Variants in PDE11A observed in about 807,000 individuals in gnomAD.
PDE11A encodes the protein dual 3',5'-cyclic-AMP and -GMP phosphodiesterase 11A.
In PDE11A, 100 loss-of-function variants were observed where a neutral mutation model predicts 100.5. The observed-to-expected ratio is 1.00, with a 90% confidence interval of 0.85 to 1.18. The LOEUF (loss-of-function observed/expected upper bound fraction) is 1.18, where lower values mean the gene tolerates loss of function less well. PDE11A is among the 50% of genes most tolerant of loss of function. The pLI, the probability that PDE11A is intolerant of heterozygous loss-of-function variation, is 0.00. For synonymous variants in PDE11A, 381 were observed against 420.8 expected (o/e 0.91, Z 1.16); for missense variants, 1,141 against 1,152.6 (o/e 0.99, Z 0.15).
chr2:177,891,928 C>G (rs532096566), intron 4 of PDE11A, among the ~76,000 whole-genome samples: 3 of 152,198 alleles, frequency 2.0e-5, no homozygotes, highest in African/African-American at 7.2e-5. Flanking sequence ...GTTCCTTCCT[C>G]TCACTGGTTA....
intron 1 of PDE11A, among the ~76,000 whole-genome samples, chr2:178,025,501 G>A (rs2086467440): frequency 6.6e-6 from 1 of 151,844 alleles, no homozygotes; most frequent in Non-Finnish European, 1.5e-5. Context: ...ACTTTTCTTT[G>A]GTCCTGTCTT....
At chr2:177,814,517 G>A (rs1258185437) in intron 9 of PDE11A, among the ~76,000 whole-genome samples, 4 of 152,030 alleles carry the variant, frequency 2.6e-5, no homozygotes, top group Admixed American at 6.6e-5. Flanking sequence ...GAGTGGAAGC[G>A]GCAAGAGCAA....
intron 15 of PDE11A, among the ~76,000 whole-genome samples, chr2:177,688,768 A>C (rs1288937880): frequency 6.6e-6 from 1 of 152,266 alleles, no homozygotes. Flanking sequence ...CATCATTTGA[A>C]CAGAACGGCT....
chr2:178,049,736 C>T (rs1021887353), intron 1 of PDE11A, among the ~76,000 whole-genome samples: 4 of 152,148 alleles, frequency 2.6e-5, no homozygotes, highest in Admixed American at 6.5e-5. Context: ...CCCACACCCA[C>T]GGAGTCTTGC....
chr2:178,077,767 A>G (rs1160626776), upstream of PDE11A, among the ~76,000 whole-genome samples: 1 of 152,130 alleles, frequency 6.6e-6, no homozygotes, highest in East Asian at 1.9e-4. Flanking sequence ...CACTTTCCTT[A>G]TAATATATGT....
chr2:177,876,141 C>T (rs191898390), intron 4 of PDE11A, among the ~76,000 whole-genome samples: 4 of 152,314 alleles, frequency 2.6e-5, no homozygotes, highest in African/African-American at 9.6e-5. Context: ...AGTTTTAATA[C>T]ATTTCACTAA....
intron 10 of PDE11A, among the ~76,000 whole-genome samples, chr2:177,758,220 C>A (rs950799050): frequency 1.9e-4 from 28 of 150,118 alleles, no homozygotes; most frequent in Non-Finnish European, 3.8e-4. Context: ...TAGCATGAAC[C>A]CGGGATGCGG....
chr2:177,970,672 A>G (rs1003606791), intron 2 of PDE11A, among the ~76,000 whole-genome samples: 2 of 152,198 alleles, frequency 1.3e-5, no homozygotes, highest in Admixed American at 1.3e-4. Context: ...TAGGTTTAGC[A>G]TAAAAGTGTT....
chr2:177,631,539 A>ATATATATATC (rs1559117334), intron 19 of PDE11A, among the ~76,000 whole-genome samples: 2 of 27,334 alleles, frequency 7.3e-5, no homozygotes, highest in African/African-American at 2.9e-4. Flanking sequence ...ATATATATAT[A>ATATATATATC]TATATATACA....
At chr2:178,026,650 G>A (rs1189147561) in intron 1 of PDE11A, among the ~76,000 whole-genome samples, 1 of 148,906 alleles carries the variant, frequency 6.7e-6, no homozygotes, top group Non-Finnish European at 1.5e-5. Flanking sequence ...AACAGAGCGA[G>A]ACTCTGTCTC....
intron 2 of PDE11A, among the ~76,000 whole-genome samples, chr2:178,081,179 T>C (rs2087280748): frequency 6.6e-6 from 1 of 152,188 alleles, no homozygotes; most frequent in Admixed American, 6.5e-5. Context: ...CCTTGTGCAC[T>C]GAAGAATTAA....
intron 15 of PDE11A, among the ~76,000 whole-genome samples, chr2:177,691,713 T>C (rs2081042773): frequency 6.6e-6 from 1 of 152,120 alleles, no homozygotes; most frequent in Non-Finnish European, 1.5e-5. Context: ...CAGAGCAGTC[T>C]GAGCTCCTTG....
chr2:177,890,381 C>A (rs934770890), intron 4 of PDE11A, among the ~76,000 whole-genome samples: 3 of 152,178 alleles, frequency 2.0e-5, no homozygotes, highest in Non-Finnish European at 2.9e-5. Context: ...TGCCCAGGCA[C>A]CTGCTCTTAC....
chr2:177,848,437 A>G (rs1450513310), intron 5 of PDE11A, among the ~76,000 whole-genome samples: 2 of 152,230 alleles, frequency 1.3e-5, no homozygotes, highest in African/African-American at 4.8e-5. Flanking sequence ...TCACTTCAGC[A>G]TAACACTCTA....
intron 2 of PDE11A, among the ~76,000 whole-genome samples, chr2:177,913,194 G>C (rs2084906529): frequency 6.6e-6 from 1 of 152,162 alleles, no homozygotes; most frequent in East Asian, 1.9e-4. Flanking sequence ...GTCAATCATA[G>C]AACGTTGGAC....
At position 178,105,802 on chromosome 2, in the gene PDE11A, C is replaced by T. The variant is rs1452342510; in HGVS notation, c.-13-1326G>A. 5 of 805,692 alleles carry T rather than the reference C, an allele frequency of 6.2e-6. No homozygotes were observed. The East Asian group carries it at 1.6e-4, about 25-fold the overall frequency. 49.9% of individuals were successfully genotyped at this position (805,692 alleles called of 1,614,324 possible). ...CCTCCACCCCTCCCTATCTCACCTG[C>T]CCAGCCAACTGGGACCTTGGCCAGA... On this transcript the variant is annotated intron_variant, in intron 1 of 20. Coordinates refer to the PDE11A transcript ENST00000358450.
At chr2:177,846,939 T>C (rs909760705) in intron 5 of PDE11A, among the ~76,000 whole-genome samples, 1 of 152,210 alleles carries the variant, frequency 6.6e-6, no homozygotes, top group Non-Finnish European at 1.5e-5. Flanking sequence ...GTCATCATCC[T>C]TGGTTCCAAG....
At chr2:178,054,685 A>G (rs1179353620) in intron 1 of PDE11A, among the ~76,000 whole-genome samples, 1 of 152,226 alleles carries the variant, frequency 6.6e-6, no homozygotes, top group African/African-American at 2.4e-5. Flanking sequence ...AAACTGGGCA[A>G]AGGATATGAA....
At chr2:177,636,255 T>A (rs1032370954) in intron 19 of PDE11A, among the ~76,000 whole-genome samples, 6 of 152,178 alleles carry the variant, frequency 3.9e-5, no homozygotes, top group African/African-American at 1.4e-4. Context: ...TAGAATTTGA[T>A]CCCTCTCTTC....
Sources: allele counts gnomAD v4.1 joint callset (sites outside exome capture counted in the v4.1 genomes callset), GRCh38; gene constraint gnomAD v4.1.1; transcripts MANE v1.5; gene names NCBI Gene and HGNC (gene_info 2026-07-23, HGNC 2026-07-21).